CFAP47: variants seen among roughly 807,000 people sequenced by gnomAD.
The protein encoded by CFAP47 is cilia and flagella associated protein 47.
Under a neutral mutation model 148.1 loss-of-function variants are expected in CFAP47, and 29 were observed. That is an observed-to-expected ratio of 0.20 (90% CI 0.15 to 0.27). CFAP47 has a LOEUF of 0.27. Among genes scored for constraint, CFAP47 ranks in the 10% least tolerant of loss-of-function variants. The probability of loss-of-function intolerance (pLI) is 1.00; values close to 1 mark genes in which losing one functional copy is unlikely to be tolerated. For synonymous variants in CFAP47, 664 were observed against 577.3 expected (o/e 1.15, Z -2.15); for missense variants, 1,872 against 1,697.5 (o/e 1.10, Z -1.81).
chrX:36,117,124 T>A (rs1255768510), intron 33 of CFAP47, among the ~76,000 whole-genome samples: 2 of 112,570 alleles, frequency 1.8e-5, no homozygotes, highest in African/African-American at 6.5e-5. Context: ...ATTGTGTATA[T>A]GTATCACATT....
At chrX:36,375,874 C>G (rs1391317757) in intron 62 of CFAP47, among the ~76,000 whole-genome samples, 3 of 111,469 alleles carry the variant, frequency 2.7e-5, no homozygotes, top group African/African-American at 9.8e-5. Flanking sequence ...TTGGCTCAGG[C>G]AGCTAGAGTC....
At chrX:36,371,769 TACACAC>T (rs1156242309) in intron 62 of CFAP47, among the ~76,000 whole-genome samples, 1 of 54,466 alleles carries the variant, frequency 1.8e-5, no homozygotes. Context: ...TGTGTGTATA[TACACAC>T]ATGTGTATAT....
At chrX:36,135,191 A>T (rs1203605431) in intron 33 of CFAP47, among the ~76,000 whole-genome samples, 2 of 110,700 alleles carry the variant, frequency 1.8e-5, no homozygotes, top group South Asian at 7.7e-4. Context: ...TTCGGTGAAT[A>T]CTACTTGGGT....
chrX:36,070,496 CTT>C (rs34621358), intron 27 of CFAP47, among the ~76,000 whole-genome samples: 27 of 91,154 alleles, frequency 3.0e-4, no homozygotes, highest in Admixed American at 6.1e-4. Flanking sequence ...TTTTCTTTTC[CTT>C]TTTTTTTTTT....
intron 30 of CFAP47, among the ~76,000 whole-genome samples, chrX:36,097,670 G>A (rs371382257): frequency 1.8e-5 from 2 of 110,360 alleles, no homozygotes; most frequent in African/African-American, 6.6e-5. Flanking sequence ...GCTGCCTTTA[G>A]GATCATTTCT....
At chrX:36,103,522 A>C (rs899633620) in intron 32 of CFAP47, among the ~76,000 whole-genome samples, 13 of 103,109 alleles carry the variant, frequency 1.3e-4, no homozygotes, top group African/African-American at 7.1e-5. Flanking sequence ...AAAAAAAAAA[A>C]AAAAAAACAT....
chrX:36,236,022 A>G lies in CFAP47; in HGVS notation c.7103A>G (p.Asp2368Gly), dbSNP rs1177059119. The G allele has an allele frequency of 9.7e-6, 5 of 515,321 alleles. No individual in the cohort carries two copies. In the East Asian group the frequency reaches 1.1e-4, roughly 11 times the overall value. The allele number at this position is 515,321 out of a possible 1,213,427, so 42.5% of individuals were successfully genotyped here. ...CCTGTTGATTTACATGTTGGACCAGATGAAATTGTGGAGTATCCTCTCACA... is the reference window on the plus strand; with the variant it reads ...CCTGTTGATTTACATGTTGGACCAGGTGAAATTGTGGAGTATCCTCTCACA... ...YGPVDLHVGP[D>G]EIVEYPLTFK... The change falls in exon 47 of 64, where the codon GAT (aspartate) becomes GGT (glycine). Residue 2368 changes from aspartate (D) to glycine (G), a missense_variant. Coordinates refer to ENST00000378653, the MANE Select transcript of CFAP47 (RefSeq NM_001304548.2).
intron 13 of CFAP47, among the ~76,000 whole-genome samples, chrX:35,972,522 C>T (rs917809754): frequency 1.8e-5 from 2 of 111,484 alleles, no homozygotes; most frequent in East Asian, 5.7e-4. Context: ...TGTGAGCCAC[C>T]GCACCCCGCC....
intron 25 of CFAP47, among the ~76,000 whole-genome samples, chrX:36,042,301 G>A (rs1355998962): frequency 9.0e-6 from 1 of 111,146 alleles, no homozygotes; most frequent in Non-Finnish European, 1.9e-5. Context: ...CTAGCACATG[G>A]CAGGGGGATA....
intron 51 of CFAP47, among the ~76,000 whole-genome samples, chrX:36,297,642 C>T (rs1327795709): frequency 9.0e-6 from 1 of 111,450 alleles, no homozygotes; most frequent in Non-Finnish European, 1.9e-5. Flanking sequence ...TATCTTAGAA[C>T]TTAAAGAGTG....
intron 21 of CFAP47, among the ~76,000 whole-genome samples, chrX:36,010,111 G>A (rs1447190704): frequency 8.1e-5 from 9 of 111,183 alleles, no homozygotes; most frequent in African/African-American, 2.3e-4. Flanking sequence ...GTTTAAAAAC[G>A]TCATTAGAAA....
At chrX:36,114,860 G>A (rs1938613730) in intron 33 of CFAP47, among the ~76,000 whole-genome samples, 1 of 111,880 alleles carries the variant, frequency 8.9e-6, no homozygotes, top group Non-Finnish European at 1.9e-5. Flanking sequence ...GCACGATGGG[G>A]TGCATGCATA....
chrX:36,240,502 A>G (rs782404587), intron 48 of CFAP47, among the ~76,000 whole-genome samples: 2 of 111,702 alleles, frequency 1.8e-5, no homozygotes, highest in South Asian at 7.5e-4. Flanking sequence ...TATTAATTAT[A>G]CAGCCTCAAC....
At chrX:36,050,808 A>C (rs891784984) in intron 26 of CFAP47, among the ~76,000 whole-genome samples, 1 of 111,715 alleles carries the variant, frequency 9.0e-6, no homozygotes, top group Non-Finnish European at 1.9e-5. Flanking sequence ...CTGGATGCCT[A>C]AGAGGGAAAA....
At chrX:35,948,748 T>C (rs1319404568) in intron 4 of CFAP47, among the ~76,000 whole-genome samples, 1 of 110,470 alleles carries the variant, frequency 9.1e-6, no homozygotes, top group African/African-American at 3.3e-5. Context: ...TACTGGTGAG[T>C]AGTAATTAGC....
chrX:35,936,917 C>A (rs1239290059), intron 2 of CFAP47, among the ~76,000 whole-genome samples: 1 of 107,942 alleles, frequency 9.3e-6, no homozygotes, highest in Admixed American at 1.0e-4. Context: ...CCCTTGGCTG[C>A]CCAGGTCTTC....
intron 49 of CFAP47, among the ~76,000 whole-genome samples, chrX:36,265,390 C>T (rs782778762): frequency 9.0e-6 from 1 of 111,570 alleles, no homozygotes; most frequent in South Asian, 3.7e-4. Flanking sequence ...TTTGAATGCC[C>T]TTTATTTCTT....
intron 35 of CFAP47, 172 bp from the exon 36 acceptor site, chrX:36,145,047 T>C (rs1939210283): frequency 1.3e-5 from 5 of 394,360 alleles, no homozygotes; most frequent in Non-Finnish European, 2.2e-5. Flanking sequence ...CAATTCTTCC[T>C]AATAAATTCC....
At chrX:36,243,647 G>GTGTGTGTATA (rs1179341078) in intron 48 of CFAP47, among the ~76,000 whole-genome samples, 1 of 64,250 alleles carries the variant, frequency 1.6e-5, no homozygotes, top group African/African-American at 4.2e-5. Context: ...ATATGTGTGT[G>GTGTGTGTATA]TATATATATA....
Sources: gnomAD v4.1 joint callset for allele counts (sites outside exome capture counted in the v4.1 genomes callset) on GRCh38, gnomAD v4.1.1 for gene constraint, MANE v1.5 for transcripts, NCBI Gene and HGNC (gene_info 2026-07-23, HGNC 2026-07-21) for gene names.